PANK3: variants seen among roughly 807,000 people sequenced by gnomAD.
PANK3 encodes the protein pantothenate kinase 3, also known as hPanK3.
In PANK3, 20 loss-of-function variants were observed where a neutral mutation model predicts 39.4. The ratio of observed to expected loss-of-function variants is 0.51; its 90% confidence interval spans 0.36 to 0.74. The LOEUF is 0.74. PANK3 is among the 30% of genes least tolerant of loss of function. PANK3 has a pLI of 0.00. For missense variants in PANK3, 265 were observed against 437.0 expected (o/e 0.61, Z 3.51); for synonymous variants, 140 against 157.3 (o/e 0.89, Z 0.82).
chr5:168,573,119 C>G (rs577340519), intron 1 of PANK3, among the ~76,000 whole-genome samples: 1 of 152,078 alleles, frequency 6.6e-6, no homozygotes, highest in African/African-American at 2.4e-5. Context: ...GAGAGCTATC[C>G]TGCAGATGAT....
Position 168,548,749 on chromosome 5 carries a change from A to C in PANK3, c.*8822T>G, listed in dbSNP as rs981563949. 5 of 152,366 alleles carry C rather than the reference A, an allele frequency of 3.3e-5. No individual in the cohort carries two copies. Among genetic ancestry groups the C allele is most frequent in the Admixed American group, 1.3e-4 (2 of 15,304 alleles). 9.4% of individuals were successfully genotyped at this position (152,366 alleles called of 1,614,324 possible). A position where few individuals can be genotyped will look rare whatever the true frequency, so the allele number is the denominator to read the frequency against. ...CAAACATTTTTCAAATTTACATAAG[A>C]TACTGTACATAAATGAAAAAATAAA... On this transcript the variant is annotated 3_prime_UTR_variant, in exon 7 of 7. Coordinates refer to ENST00000239231, the MANE Select transcript of PANK3 (RefSeq NM_024594.4).
At chr5:168,573,742 C>T (rs1759686472) in intron 1 of PANK3, among the ~76,000 whole-genome samples, 1 of 143,656 alleles carries the variant, frequency 7.0e-6, no homozygotes, top group South Asian at 2.2e-4. Flanking sequence ...TGTTCAATTC[C>T]CACCTATGAG....
intron 2 of PANK3, among the ~76,000 whole-genome samples, chr5:168,567,065 T>C (rs532691540): frequency 6.6e-6 from 1 of 152,328 alleles, no homozygotes; most frequent in East Asian, 1.9e-4. Flanking sequence ...AAATATATAC[T>C]AAATTTGCTA....
At position 168,568,845 on chromosome 5, in the gene PANK3, G is replaced by T. The variant is rs1413303427; in HGVS notation, c.182C>A (p.Thr61Asn). ...YLTSNVAYGS[T>N]GIRDVHLELK... ...TTCAAGGTGTACATCCCGAATGCCG[G>T]TGGATCCATATGCCACGTTAGAAGT... The change falls in exon 2 of 7, where the codon ACC (threonine) becomes AAC (asparagine). Residue 61 changes from threonine to asparagine, a missense_variant. Physicochemically the swap from Thr to Asn is moderately conservative, Grantham distance 65. This residue lies in a region of PANK3 where 154 missense variants were observed against 256.8 expected (regional missense o/e 0.60). Coordinates refer to ENST00000239231, the MANE Select transcript of PANK3 (RefSeq NM_024594.4). 2 of 1,613,700 alleles carry T rather than the reference G, an allele frequency of 1.2e-6. No homozygotes were observed. Among genetic ancestry groups the T allele is most frequent in the Admixed American group, 3.3e-5 (2 of 59,966 alleles).
intron 2 of PANK3, among the ~76,000 whole-genome samples, chr5:168,567,257 A>ACCT (rs1759551001): frequency 6.6e-6 from 1 of 152,228 alleles, no homozygotes; most frequent in Non-Finnish European, 1.5e-5. Context: ...ATTCATGATC[A>ACCT]ATCTATGCAT....
chr5:168,565,868 A>AAAAAAAAAAATATATATAT, intron 3 of PANK3, 145 bp downstream of exon 3: 1 of 131,394 alleles, frequency 7.6e-6, no homozygotes, highest in Non-Finnish European at 1.3e-5. Flanking sequence ...AAAAAAAAAA[A>AAAAAAAAAAATATATATAT]ATATATATAT....
chr5:168,559,314 T>A (rs1434222792), intron 5 of PANK3, among the ~76,000 whole-genome samples, 157 bp from the exon 6 acceptor site: 1 of 152,218 alleles, frequency 6.6e-6, no homozygotes, highest in Non-Finnish European at 1.5e-5. Context: ...TATAGCTGTA[T>A]AATCCTGAAT....
Position 168,556,465 on chromosome 5 carries a change from A to G in PANK3, c.*1106T>C, listed in dbSNP as rs1200751335. 6.6e-6 allele frequency: 1 copy of G among 152,262 alleles called. No homozygotes were observed. The highest frequency in any genetic ancestry group is 1.9e-4 in the East Asian group (1 of 5,186). 9.4% of individuals were successfully genotyped at this position (152,262 alleles called of 1,614,324 possible). ...CTTCCTTTCCCTCCTAGGTTCTTAC[A>G]CATTTCAAACCCTTGCCAATAACAG... On this transcript the variant is annotated 3_prime_UTR_variant, in exon 7 of 7. Coordinates refer to ENST00000239231, the MANE Select transcript of PANK3 (RefSeq NM_024594.4).
rs1290133418 is a variant in PANK3 at position 168,553,835 on chromosome 5, T to C, written c.*3736A>G. On this transcript the variant is annotated 3_prime_UTR_variant, in exon 7 of 7. Transcript: ENST00000239231. ...AACTCACTCATCATTACAGCATCTCTGCATTCTTGCTTTACCACATTTATC... is the reference window on the plus strand; with the variant it reads ...AACTCACTCATCATTACAGCATCTCCGCATTCTTGCTTTACCACATTTATC... The C allele has an allele frequency of 6.6e-6, 1 of 152,552 alleles. No homozygotes were observed. Among genetic ancestry groups the C allele is most frequent in the Non-Finnish European group, 1.5e-5 (1 of 68,302 alleles). The allele number at this position is 152,552 out of a possible 1,614,324, so 9.4% of individuals were successfully genotyped here.
At chr5:168,571,068 G>A (rs570999991) in intron 1 of PANK3, among the ~76,000 whole-genome samples, 2 of 152,062 alleles carry the variant, frequency 1.3e-5, no homozygotes, top group East Asian at 1.9e-4. Context: ...GTATATATTC[G>A]GAAGATTATA....
chr5:168,557,729 T>C (rs1759372011), intron 6 of PANK3, 108 bp from the exon 7 acceptor site: 1 of 892,812 alleles, frequency 1.1e-6, no homozygotes, highest in South Asian at 2.1e-5. Flanking sequence ...TTAATAATAT[T>C]TGGAAACCTA....
chr5:168,573,986 A>AT (rs1371505054), intron 1 of PANK3, among the ~76,000 whole-genome samples: 1 of 151,876 alleles, frequency 6.6e-6, no homozygotes, highest in East Asian at 1.9e-4. Context: ...ATACGTGTGC[A>AT]TGTGTCTTTA....
Position 168,572,254 on chromosome 5 carries a change from C to T in PANK3, c.29-3256G>A, listed in dbSNP as rs141615022. On this transcript the variant is annotated intron_variant, in intron 1 of 6. Transcript: ENST00000239231. ...TCAGCCTCCCAAGTAGCTGGGACTA[C>T]AGGTGTGCACTACCACGACCAACTA... Among the ~76,000 whole-genome samples, 5 of 151,938 alleles carry T rather than the reference C, an allele frequency of 3.3e-5. 1 individual carries two copies. The highest frequency in any genetic ancestry group is 7.4e-5 in the Non-Finnish European group (5 of 67,986).
Position 168,566,194 on chromosome 5 carries a change from C to CA in PANK3, c.453dup (p.Val152CysfsTer14). Reference sequence around the variant, plus strand: ...CACTCGGCTTGTCCATTGAAACTGACAGAGTCTATATACAGCAAGCCCTTT... The same window carrying CA: ...CACTCGGCTTGTCCATTGAAACTGACAAGAGTCTATATACAGCAAGCCCTTT... On this transcript the variant is annotated frameshift_variant, in exon 3 of 7. Coordinates refer to ENST00000239231, the MANE Select transcript of PANK3 (RefSeq NM_024594.4). LOFTEE classifies it high-confidence loss of function. 2 of 1,614,070 alleles carry CA rather than the reference C, an allele frequency of 1.2e-6. No homozygotes were observed. The highest frequency in any genetic ancestry group is 1.7e-6 in the Non-Finnish European group (2 of 1,180,012).
chr5:168,564,585 C>T (rs1006418293), intron 3 of PANK3, among the ~76,000 whole-genome samples: 1 of 152,060 alleles, frequency 6.6e-6, no homozygotes, highest in Non-Finnish European at 1.5e-5. Context: ...ATGCACACTA[C>T]CACACTGGAC....
At chr5:168,579,119 A>G (rs1759786165) in intron 1 of PANK3, 137 bp downstream of exon 1, 2 of 684,338 alleles carry the variant, frequency 2.9e-6, no homozygotes, top group Non-Finnish European at 2.2e-6. Flanking sequence ...CGTGGCTCAA[A>G]TGGTCCCTCC....
intron 1 of PANK3, among the ~76,000 whole-genome samples, chr5:168,570,527 G>A (rs1759612274): frequency 6.6e-6 from 1 of 151,876 alleles, no homozygotes; most frequent in South Asian, 2.1e-4. Flanking sequence ...AACACATTAA[G>A]AACGAGATAC....
At position 168,557,552 on chromosome 5, in the gene PANK3, G is replaced by C; in HGVS notation, c.*19C>G. 1.9e-6 allele frequency: 3 copies of C among 1,601,308 alleles called. No homozygotes were observed. Among genetic ancestry groups the C allele is most frequent in the Non-Finnish European group, 2.6e-6 (3 of 1,169,652 alleles). ...TCCTCTTGGATGACATTTATTAGCA[G>C]AGAGAGAGACCTGATGCTTTAGCTG... On this transcript the variant is annotated 3_prime_UTR_variant, in exon 7 of 7. Transcript: ENST00000239231.
intron 5 of PANK3, chr5:168,560,901 C>T: frequency 2.0e-6 from 1 of 492,446 alleles, no homozygotes; most frequent in Non-Finnish European, 4.3e-6. Context: ...GGTCTCAATG[C>T]CTTCATAGCC....
Sources: allele counts gnomAD v4.1 joint callset (sites outside exome capture counted in the v4.1 genomes callset), GRCh38; gene constraint gnomAD v4.1.1; regional missense constraint gnomAD v4.1.1; transcripts MANE v1.5; gene names NCBI Gene and HGNC (gene_info 2026-07-23, HGNC 2026-07-21).